The following UBE2O variants were observed in gnomAD, a reference collection of about 807,000 sequenced individuals.
UBE2O encodes ubiquitin conjugating enzyme E2 O.
Under a neutral mutation model 125.8 loss-of-function variants are expected in UBE2O, and 15 were observed. That is an observed-to-expected ratio of 0.12 (90% CI 0.08 to 0.18). The LOEUF is 0.18. Ranked by LOEUF, UBE2O falls within the 10% of genes least tolerant of loss-of-function variation. UBE2O has a pLI of 1.00. For synonymous variants in UBE2O, 708 were observed against 703.2 expected, an observed-to-expected ratio of 1.01 and a Z score of -0.11; for missense variants, 1,280 against 1,723.6, an observed-to-expected ratio of 0.74 and a Z score of 4.56.
chr17:76,437,761 T>C lies in UBE2O; in HGVS notation c.417+14964A>G, dbSNP rs545257795. 2.6e-5 allele frequency among the ~76,000 whole-genome samples: 4 copies of C among 152,304 alleles called. 1 individual carries two copies. The East Asian group carries it at 5.8e-4, about 22-fold the overall frequency. On this transcript the variant is annotated intron_variant, in intron 1 of 17. Transcript: ENST00000319380. ...CTTTCGACAAATATATATCATGATA[T>C]GTAAGATGTGAACATTAGGGAAAAC...
chr17:76,416,246 A>G (rs1398954054), intron 1 of UBE2O, among the ~76,000 whole-genome samples: 1 of 150,316 alleles, frequency 6.7e-6, no homozygotes, highest in Non-Finnish European at 1.5e-5. Context: ...ATATGTGTGT[A>G]TATGTATGTA....
intron 1 of UBE2O, among the ~76,000 whole-genome samples, chr17:76,425,093 G>C (rs1329424225): frequency 6.6e-6 from 1 of 151,092 alleles, no homozygotes; most frequent in Non-Finnish European, 1.5e-5. Context: ...GGATGGTCTC[G>C]ATCTCCTGAC....
intron 1 of UBE2O, among the ~76,000 whole-genome samples, chr17:76,440,169 T>C (rs754230366): frequency 2.0e-5 from 3 of 152,212 alleles, no homozygotes; most frequent in Admixed American, 6.5e-5. Flanking sequence ...TTCTCTCTCC[T>C]ATCTAAGTCT....
At chr17:76,439,640 TGTG>T (rs1192662955) in intron 1 of UBE2O, among the ~76,000 whole-genome samples, 2 of 152,214 alleles carry the variant, frequency 1.3e-5, no homozygotes, top group African/African-American at 4.8e-5. Context: ...AAAAAATTAT[TGTG>T]GTCCTCAATA....
At chr17:76,397,773 G>A (rs755260792) in intron 13 of UBE2O, 26 bp downstream of exon 13, 2 of 1,609,980 alleles carry the variant, frequency 1.2e-6, no homozygotes, top group Non-Finnish European at 1.7e-6. Flanking sequence ...CACAAGCTCA[G>A]CAGGGGGGTC....
At position 76,405,556 on chromosome 17, in the gene UBE2O, C is replaced by T. The variant is rs1241579539; in HGVS notation, c.434G>A (p.Arg145His). The stretch of plus-strand genomic sequence containing the variant: ...GACCACATCTCGGGGCACCACAGAA[C>T]GGTCCTCTAGTTTCAGCTGTAAAAG... ...VKETKLKLED[R>H]SVVPRDVVRH... Residue 145 changes from arginine (R) to histidine (H), a missense_variant, in exon 2 of 18, where the codon CGT (arginine) becomes CAT (histidine). Arg to His is a conservative substitution (Grantham distance 29). Transcript: ENST00000319380. This position sits in a 1 kb window ranked among gnomAD's most constrained non-coding sequence, Gnocchi z 6.1. The T allele has an allele frequency of 3.8e-6, 6 of 1,595,980 alleles. No individual in the cohort carries two copies. Among genetic ancestry groups the T allele is most frequent in the Admixed American group, 1.8e-5 (1 of 56,042 alleles).
chr17:76,399,041 G>A lies in UBE2O; in HGVS notation c.1629-50C>T, dbSNP rs371152354. 1.7e-5 allele frequency: 27 copies of A among 1,595,504 alleles called. No individual in the cohort carries two copies. Among genetic ancestry groups the A allele is most frequent in the African/African-American group, 1.1e-4 (8 of 74,736 alleles). On this transcript the variant is annotated intron_variant, in intron 9 of 17. Coordinates refer to ENST00000319380, the MANE Select transcript of UBE2O (RefSeq NM_022066.4). The surrounding 1 kb of genome is among the most constrained non-coding windows in gnomAD (Gnocchi z 6.9). ...GCCATGCAAACCCCACCCCCTCCGCGGAAAGGGCAGAGAGTCTTTCTGTCC... is the reference window on the plus strand; with the variant it reads ...GCCATGCAAACCCCACCCCCTCCGCAGAAAGGGCAGAGAGTCTTTCTGTCC...
At chr17:76,421,361 ATTTTC>A (rs947510541) in intron 1 of UBE2O, among the ~76,000 whole-genome samples, 1 of 151,192 alleles carries the variant, frequency 6.6e-6, no homozygotes, top group African/African-American at 2.4e-5. Flanking sequence ...TTGAGTGACT[ATTTTC>A]TTTTGTCTTT....
intron 1 of UBE2O, among the ~76,000 whole-genome samples, chr17:76,446,010 C>T (rs2073144361): frequency 6.6e-6 from 1 of 152,208 alleles, no homozygotes; most frequent in South Asian, 2.1e-4. Flanking sequence ...TACCGAGATC[C>T]TATTAAGTGA....
intron 1 of UBE2O, among the ~76,000 whole-genome samples, chr17:76,424,191 AGCCACCGC>A (rs1392166218): frequency 7.0e-6 from 1 of 143,816 alleles, no homozygotes; most frequent in Non-Finnish European, 1.5e-5. Context: ...TACAGGCGTG[AGCCACCGC>A]GCCCGGCCTT....
chr17:76,424,020 G>A (rs2072757783), intron 1 of UBE2O, among the ~76,000 whole-genome samples: 1 of 144,806 alleles, frequency 6.9e-6, no homozygotes, highest in Non-Finnish European at 1.5e-5. Flanking sequence ...CCGTTCTCCT[G>A]CCTCAGCCTC....
intron 1 of UBE2O, among the ~76,000 whole-genome samples, chr17:76,441,806 T>G (rs1339595116): frequency 6.6e-6 from 1 of 152,014 alleles, no homozygotes; most frequent in Non-Finnish European, 1.5e-5. Context: ...TAAACAGGGG[T>G]GGTTATATCT....
chr17:76,417,698 G>C (rs958241585), intron 1 of UBE2O, among the ~76,000 whole-genome samples: 1 of 135,214 alleles, frequency 7.4e-6, no homozygotes, highest in Non-Finnish European at 1.6e-5. Flanking sequence ...AAGGGCCTTC[G>C]ACTACAGGAG....
In UBE2O at chr17:76,396,788, A is replaced by C. The variant is rs1329111435; in HGVS notation, c.2149T>G (p.Ser717Ala). 1 of 1,608,232 alleles carries C rather than the reference A, an allele frequency of 6.2e-7. No homozygotes were observed. Among genetic ancestry groups the C allele is most frequent in the African/African-American group, 1.3e-5 (1 of 74,680 alleles). ...LYNIESEIEE[S>A]DYDSVEGSTS... ...CTGCCTTCTACCGAATCGTAGTCTG[A>C]CTCCTCAATCTCAGACTCTATGTTG... is the stretch of plus-strand genomic sequence containing the variant. The change falls in exon 14 of 18, where the codon TCA (serine) becomes GCA (alanine). Residue 717 changes from serine (S) to alanine (A), a missense_variant. Ser to Ala is a moderately conservative substitution (Grantham distance 99). Coordinates refer to ENST00000319380, the MANE Select transcript of UBE2O (RefSeq NM_022066.4). The surrounding 1 kb of genome is among the most constrained non-coding windows in gnomAD (Gnocchi z 6.7).
Position 76,402,972 on chromosome 17 carries a change from G to A in UBE2O, c.589-273C>T, listed in dbSNP as rs2072354500. 6.6e-6 allele frequency among the ~76,000 whole-genome samples: 1 copy of A among 152,194 alleles called. No individual in the cohort carries two copies. Among genetic ancestry groups the A allele is most frequent in the Admixed American group, 6.5e-5 (1 of 15,278 alleles). On this transcript the variant is annotated intron_variant, in intron 3 of 17. Transcript: ENST00000319380. The surrounding 1 kb of genome is among the most constrained non-coding windows in gnomAD (Gnocchi z 5.4). ...GGGGTGGGTGATGCAGGGGCAGAGA[G>A]GCCTGATGGCATCCATGGACATGGG...
intron 1 of UBE2O, among the ~76,000 whole-genome samples, chr17:76,409,345 T>C (rs1437832891): frequency 6.6e-6 from 1 of 151,714 alleles, no homozygotes; most frequent in Admixed American, 6.6e-5. Context: ...GCCAAAATGC[T>C]AACAGTGTCT....
chr17:76,432,079 A>G (rs1465019348), intron 1 of UBE2O, among the ~76,000 whole-genome samples: 1 of 152,210 alleles, frequency 6.6e-6, no homozygotes, highest in East Asian at 1.9e-4. Flanking sequence ...GAAAGTCACC[A>G]AACATAAATA....
chr17:76,391,345 G>A lies in UBE2O; in HGVS notation c.3477C>T (p.Pro1159=), dbSNP rs759028925. Residue 1159 remains proline, a synonymous_variant, in exon 18 of 18, where the codon CCC becomes CCT. Transcript: ENST00000319380. The surrounding 1 kb of genome is among the most constrained non-coding windows in gnomAD (Gnocchi z 8.4). Reference sequence around the variant, plus strand: ...AGCTGCTGGCCTTGGGCACCCCGTTGGGCAGTGCCTGGGCCTTCTCCAGCA... The same window carrying A: ...AGCTGCTGGCCTTGGGCACCCCGTTAGGCAGTGCCTGGGCCTTCTCCAGCA... ...HALLEKAQAL[P]NGVPKASSSP... 1 of 1,613,144 alleles carries A rather than the reference G, an allele frequency of 6.2e-7. No homozygotes were observed. Among genetic ancestry groups the A allele is most frequent in the South Asian group, 1.1e-5 (1 of 91,084 alleles).
chr17:76,443,991 C>G (rs562363813), intron 1 of UBE2O, among the ~76,000 whole-genome samples: 1 of 152,048 alleles, frequency 6.6e-6, no homozygotes, highest in African/African-American at 2.4e-5. Flanking sequence ...GAAGCTGAGG[C>G]GGATGGATCA....
Sources: allele counts gnomAD v4.1 joint callset (sites outside exome capture counted in the v4.1 genomes callset), GRCh38; gene constraint gnomAD v4.1.1; non-coding constraint Gnocchi (gnomAD v3.1); transcripts MANE v1.5; gene names NCBI Gene and HGNC (gene_info 2026-07-23, HGNC 2026-07-21).